Variants in AUTS2 observed in about 807,000 individuals in gnomAD.
AUTS2 encodes activator of transcription and developmental regulator AUTS2, also known as autism susceptibility gene 2 protein.
A neutral mutation model predicts 112.4 loss-of-function variants in AUTS2; 17 were observed. The observed-to-expected ratio is 0.15, with a 90% CI of 0.10 to 0.23. AUTS2 has a LOEUF of 0.23. Ranked by LOEUF, AUTS2 falls within the 10% of genes least tolerant of loss-of-function variation. The probability of loss-of-function intolerance (pLI) is 1.00; values close to 1 mark genes in which losing one functional copy is unlikely to be tolerated. For missense variants in AUTS2, 1,510 were observed against 1,701.6 expected (o/e 0.89, Z 1.98); for synonymous variants, 751 against 702.7 (o/e 1.07, Z -1.09).
chr7:70,075,623 C>G (rs1284293505), intron 2 of AUTS2, among the ~76,000 whole-genome samples: 1 of 152,092 alleles, frequency 6.6e-6, no homozygotes, highest in Non-Finnish European at 1.5e-5. Flanking sequence ...TACAAATACA[C>G]ATGGCTAAAA....
intron 1 of AUTS2, among the ~76,000 whole-genome samples, chr7:69,608,108 A>AT (rs1792827265): frequency 6.6e-6 from 1 of 151,734 alleles, no homozygotes; most frequent in Non-Finnish European, 1.5e-5. Context: ...CTAATTATGT[A>AT]TTTTTTGTAG....
rs67326941 is a variant in AUTS2 at position 70,712,193 on chromosome 7, C to CTTTTT, written c.742+13603_742+13607dup. On this transcript the variant is annotated intron_variant, in intron 6 of 18. Coordinates refer to ENST00000342771, the MANE Select transcript of AUTS2 (RefSeq NM_015570.4). ...GGCACAAGCCACCATGCCTGGCTCA[C>CTTTTT]TTTTTTTTTTTTTTTTTTTTTTTTT... 8.0e-4 allele frequency among the ~76,000 whole-genome samples: 36 copies of CTTTTT among 45,178 alleles called. 7 individuals carry two copies. The highest frequency in any genetic ancestry group is 2.3e-3 in the African/African-American group (23 of 10,194). The allele number at this position is 45,178 out of a possible 152,430, so 29.6% of individuals were successfully genotyped here.
At chr7:70,026,478 CTTG>C (rs879568936) in intron 2 of AUTS2, among the ~76,000 whole-genome samples, 10 of 151,854 alleles carry the variant, frequency 6.6e-5, no homozygotes, top group East Asian at 5.8e-4. Flanking sequence ...GAAGAGCTTA[CTTG>C]TTGTTCCAAG....
intron 4 of AUTS2, among the ~76,000 whole-genome samples, chr7:70,327,967 C>T (rs1340927940): frequency 6.6e-6 from 1 of 152,088 alleles, no homozygotes. Flanking sequence ...AAAAGAGCTC[C>T]CTTATCCCCC....
chr7:69,986,024 A>G (rs537682405), intron 2 of AUTS2, among the ~76,000 whole-genome samples: 1 of 152,234 alleles, frequency 6.6e-6, no homozygotes, highest in Non-Finnish European at 1.5e-5. Context: ...CGACCTCTCA[A>G]AGTGCTGGGA....
intron 5 of AUTS2, among the ~76,000 whole-genome samples, chr7:70,676,894 C>T (rs190772170): frequency 6.6e-6 from 1 of 152,158 alleles, no homozygotes; most frequent in Non-Finnish European, 1.5e-5. Flanking sequence ...AAAAGTTCAC[C>T]TTTCTGTTTC....
chr7:69,674,932 A>C (rs1306257349), intron 1 of AUTS2, among the ~76,000 whole-genome samples: 2 of 152,128 alleles, frequency 1.3e-5, no homozygotes, highest in East Asian at 3.9e-4. Context: ...AGCATCCTAT[A>C]ATTTGGGCTC....
intron 6 of AUTS2, among the ~76,000 whole-genome samples, chr7:70,746,142 TTTGTTG>T (rs34427547): frequency 6.6e-6 from 1 of 152,028 alleles, no homozygotes; most frequent in East Asian, 1.9e-4. Context: ...AGTAAGGTTT[TTTGTTG>T]TTGTTGTTGT....
intron 1 of AUTS2, among the ~76,000 whole-genome samples, chr7:69,677,147 T>G (rs2129163711): frequency 6.6e-6 from 1 of 152,044 alleles, no homozygotes; most frequent in East Asian, 1.9e-4. Context: ...GTTTAGAGAG[T>G]CTCTGTGTAC....
intron 2 of AUTS2, among the ~76,000 whole-genome samples, chr7:69,989,674 G>C (rs1381177699): frequency 1.3e-5 from 2 of 152,118 alleles, no homozygotes; most frequent in Admixed American, 6.5e-5. Context: ...AATGCAACTG[G>C]ACATCAAGTA....
intron 6 of AUTS2, among the ~76,000 whole-genome samples, chr7:70,750,214 G>T (rs1490174352): frequency 6.6e-6 from 1 of 152,168 alleles, no homozygotes; most frequent in Non-Finnish European, 1.5e-5. Context: ...TAATCTGGAG[G>T]AATAGGAAGT....
chr7:69,610,284 G>T (rs1792959829), intron 1 of AUTS2, among the ~76,000 whole-genome samples: 1 of 152,210 alleles, frequency 6.6e-6, no homozygotes, highest in African/African-American at 2.4e-5. Context: ...TGTTAAACCA[G>T]GATGTTTGAG....
chr7:70,627,176 T>C (rs1450450520), intron 5 of AUTS2, among the ~76,000 whole-genome samples: 1 of 152,238 alleles, frequency 6.6e-6, no homozygotes, highest in African/African-American at 2.4e-5. Context: ...TGCCAGCATC[T>C]GTTGTTTTTA....
intron 4 of AUTS2, among the ~76,000 whole-genome samples, chr7:70,206,873 G>A (rs1465869774): frequency 6.6e-6 from 1 of 152,188 alleles, no homozygotes; most frequent in African/African-American, 2.4e-5. Flanking sequence ...TAGCAAGCTA[G>A]ATCTGGGACT....
intron 4 of AUTS2, among the ~76,000 whole-genome samples, chr7:70,218,551 T>G (rs1811293892): frequency 6.6e-6 from 1 of 152,152 alleles, no homozygotes; most frequent in South Asian, 2.1e-4. Flanking sequence ...GTTCCATTAA[T>G]TATGCTAATT....
At chr7:70,267,072 T>C (rs1274582420) in intron 4 of AUTS2, among the ~76,000 whole-genome samples, 2 of 152,230 alleles carry the variant, frequency 1.3e-5, no homozygotes, top group African/African-American at 4.8e-5. Context: ...AATCAAATCA[T>C]ATCTGCTTTT....
At chr7:70,592,530 T>G (rs1802998309) in intron 5 of AUTS2, among the ~76,000 whole-genome samples, 1 of 151,958 alleles carries the variant, frequency 6.6e-6, no homozygotes, top group Non-Finnish European at 1.5e-5. Flanking sequence ...CCCAGTTAAT[T>G]TTTGTATTTT....
intron 2 of AUTS2, among the ~76,000 whole-genome samples, chr7:70,080,441 T>C (rs2129564608): frequency 6.6e-6 from 1 of 152,302 alleles, no homozygotes; most frequent in South Asian, 2.1e-4. Context: ...AGGTTGGCTG[T>C]AGATATAAGA....
chr7:70,243,017 T>A (rs1812706480), intron 4 of AUTS2, among the ~76,000 whole-genome samples: 1 of 152,150 alleles, frequency 6.6e-6, no homozygotes, highest in Non-Finnish European at 1.5e-5. Flanking sequence ...ATTTTACCCT[T>A]AGGCATCCTT....
Sources: allele counts gnomAD v4.1 joint callset (sites outside exome capture counted in the v4.1 genomes callset), GRCh38; gene constraint gnomAD v4.1.1; transcripts MANE v1.5; gene names NCBI Gene and HGNC (gene_info 2026-07-23, HGNC 2026-07-21).